SLC5A10: variants seen among roughly 807,000 people sequenced by gnomAD.
The protein encoded by SLC5A10 is sodium/mannose cotransporter SLC5A10.
A neutral mutation model predicts 68.9 loss-of-function variants in SLC5A10; 55 were observed. That is an observed-to-expected ratio of 0.80 (90% CI 0.64 to 1.00). The LOEUF is 1.00. Among genes scored for constraint, SLC5A10 ranks in the 50% least tolerant of loss-of-function variants. The probability of loss-of-function intolerance (pLI) is 0.00; values close to 1 mark genes in which losing one functional copy is unlikely to be tolerated. For synonymous variants in SLC5A10, 344 were observed against 344.8 expected (o/e 1.00, Z 0.02); for missense variants, 732 against 819.3 (o/e 0.89, Z 1.30).
At chr17:18,979,866 G>A (rs2043084773) in intron 9 of SLC5A10, among the ~76,000 whole-genome samples, 1 of 152,186 alleles carries the variant, frequency 6.6e-6, no homozygotes, top group African/African-American at 2.4e-5. Context: ...GGGAGCTGCT[G>A]AGCCGTGAAG....
intron 9 of SLC5A10, among the ~76,000 whole-genome samples, chr17:18,997,470 G>T (rs1425318730): frequency 6.6e-6 from 1 of 152,250 alleles, no homozygotes. Context: ...CATGTGGGCA[G>T]CAAACGGCAC....
chr17:18,982,961 G>A (rs2043176019), intron 9 of SLC5A10, among the ~76,000 whole-genome samples: 1 of 152,266 alleles, frequency 6.6e-6, no homozygotes, highest in South Asian at 2.1e-4. Context: ...CCACAGTACA[G>A]GTGGGGCCCT....
At chr17:19,015,961 G>C (rs563614149) in intron 11 of SLC5A10, among the ~76,000 whole-genome samples, 2 of 152,080 alleles carry the variant, frequency 1.3e-5, no homozygotes, top group Non-Finnish European at 2.9e-5. Context: ...TCCATCACCC[G>C]AGTGGTATAC....
intron 9 of SLC5A10, among the ~76,000 whole-genome samples, chr17:18,989,708 C>A (rs1163703614): frequency 6.6e-6 from 1 of 152,226 alleles, no homozygotes; most frequent in Non-Finnish European, 1.5e-5. Flanking sequence ...ACAGTCACCC[C>A]GCACGTTCCC....
At chr17:19,015,307 C>A in intron 11 of SLC5A10, 108 bp downstream of exon 11, 3 of 782,302 alleles carry the variant, frequency 3.8e-6, no homozygotes, top group Non-Finnish European at 6.0e-6. Context: ...AAGGTGGATG[C>A]CAGGAAGGAG....
intron 8 of SLC5A10, among the ~76,000 whole-genome samples, chr17:18,975,001 C>CT (rs1195521610): frequency 4.6e-5 from 7 of 152,192 alleles, no homozygotes; most frequent in African/African-American, 1.7e-4. Flanking sequence ...CATGGAAACT[C>CT]TGAGCCTCAG....
chr17:19,011,586 G>A (rs1163878539), intron 9 of SLC5A10, among the ~76,000 whole-genome samples: 1 of 152,126 alleles, frequency 6.6e-6, no homozygotes, highest in African/African-American at 2.4e-5. Context: ...AGTGTGGAGA[G>A]GATGGACAGG....
intron 13 of SLC5A10, 100 bp downstream of exon 13, chr17:19,020,028 G>GACT: frequency 1.4e-6 from 2 of 1,437,294 alleles, no homozygotes; most frequent in South Asian, 2.5e-5. Flanking sequence ...TCTAGCCCTG[G>GACT]ACTACCTAGC....
chr17:18,986,907 C>T (rs2043283539), intron 9 of SLC5A10, among the ~76,000 whole-genome samples: 1 of 152,228 alleles, frequency 6.6e-6, no homozygotes. Flanking sequence ...GAGCTATCTG[C>T]CACTGGAATC....
chr17:19,003,875 C>T lies in SLC5A10; in HGVS notation c.983-9535C>T, dbSNP rs776910441. ...GAGCTCCAGCTCCGAGAGGAAGTCT[C>T]GGATGTTCTCCCGCTTGAGCACCTC... On this transcript the variant is annotated intron_variant, in intron 9 of 14. Coordinates refer to ENST00000395645, the MANE Select transcript of SLC5A10 (RefSeq NM_001042450.4). The surrounding 1 kb of genome is among the most constrained non-coding windows in gnomAD (Gnocchi z 4.5). 4 of 1,612,938 alleles carry T rather than the reference C, an allele frequency of 2.5e-6. No homozygotes were observed. The highest frequency in any genetic ancestry group is 2.2e-5 in the East Asian group (1 of 44,854).
Position 18,971,114 on chromosome 17 carries a change from G to T in SLC5A10, c.742G>T (p.Asp248Tyr). The change falls in exon 8 of 15, where the codon GAC becomes TAC. Residue 248 changes from aspartate (D) to tyrosine (Y), a missense_variant. Asp to Tyr is a radical substitution (Grantham distance 160, BLOSUM62 -3). Transcript: ENST00000395645. This position sits in a 1 kb window ranked among gnomAD's most constrained non-coding sequence, Gnocchi z 5.5. Reference protein sequence around the residue: ...ANTTCHLPRTDAMHMFRDPHT... With the variant: ...ANTTCHLPRTYAMHMFRDPHT... ...CACCACCTGCCACCTGCCACGTACA[G>T]ACGCCATGCACATGTTTCGAGACCC... The T allele has an allele frequency of 6.2e-7, 1 of 1,614,124 alleles. No individual in the cohort carries two copies. The highest frequency in any genetic ancestry group is 8.5e-7 in the Non-Finnish European group (1 of 1,180,034).
intron 9 of SLC5A10, among the ~76,000 whole-genome samples, chr17:19,007,430 T>A (rs2152146872): frequency 6.6e-6 from 1 of 152,308 alleles, no homozygotes; most frequent in South Asian, 2.1e-4. Flanking sequence ...AGAGATAGGC[T>A]CTTGCTCTGT....
intron 9 of SLC5A10, among the ~76,000 whole-genome samples, chr17:19,006,801 G>T (rs2043902592): frequency 6.6e-6 from 1 of 152,126 alleles, no homozygotes; most frequent in Admixed American, 6.5e-5. Context: ...TTTGGGATTG[G>T]CCTTTTTTCC....
intron 4 of SLC5A10, 37 bp from the exon 5 acceptor site, chr17:18,960,511 T>C: frequency 6.3e-7 from 1 of 1,580,866 alleles, no homozygotes; most frequent in Non-Finnish European, 8.7e-7. Context: ...GGGCATCATC[T>C]GGAGGATGCT....
At chr17:19,010,411 C>T (rs902646174) in intron 9 of SLC5A10, among the ~76,000 whole-genome samples, 48 of 152,196 alleles carry the variant, frequency 3.2e-4, no homozygotes, top group African/African-American at 1.0e-3. Flanking sequence ...AACCCATAGA[C>T]CCCTGCCAGC....
rs751963689 is a variant in SLC5A10, at chr17:18,971,090, ACCACCTG to A, written c.730_736del (p.Leu244ValfsTer21). On this transcript the variant is annotated frameshift_variant, in exon 8 of 15. Coordinates refer to ENST00000395645, the MANE Select transcript of SLC5A10 (RefSeq NM_001042450.4). LOFTEE classifies it high-confidence loss of function. This position sits in a 1 kb window ranked among gnomAD's most constrained non-coding sequence, Gnocchi z 5.5. Reference sequence around the variant, plus strand: ...CATTCCCTCCAGGACCATTGCCAACACCACCTGCCACCTGCCACGTACAGACGCCATG... The same window carrying A: ...CATTCCCTCCAGGACCATTGCCAACACCACCTGCCACGTACAGACGCCATG... 4 of 1,613,984 alleles carry A rather than the reference ACCACCTG, an allele frequency of 2.5e-6. No individual in the cohort carries two copies. In the East Asian group the frequency reaches 8.9e-5, roughly 36 times the overall value.
intron 9 of SLC5A10, chr17:18,978,447 T>C (rs2043042104): frequency 1.9e-6 from 3 of 1,604,750 alleles, no homozygotes; most frequent in African/African-American, 1.3e-5. Context: ...TACTCAAACA[T>C]GTTGGCCCTC....
At position 19,003,579 on chromosome 17, in the gene SLC5A10, T is replaced by C. The variant is rs777299146; in HGVS notation, c.983-9831T>C. Reference sequence around the variant, plus strand: ...TCTTTGATGTGGGCCTGCCCGTCTATGGGGGGCTGCATGTAGACGCTAGCC... The same window carrying C: ...TCTTTGATGTGGGCCTGCCCGTCTACGGGGGGCTGCATGTAGACGCTAGCC... On this transcript the variant is annotated intron_variant, in intron 9 of 14. Coordinates refer to ENST00000395645, the MANE Select transcript of SLC5A10 (RefSeq NM_001042450.4). The surrounding 1 kb of genome is among the most constrained non-coding windows in gnomAD (Gnocchi z 4.5). 8.8e-6 allele frequency: 14 copies of C among 1,597,270 alleles called. No homozygotes were observed. Among genetic ancestry groups the C allele is most frequent in the Admixed American group, 1.7e-5 (1 of 57,240 alleles).
chr17:18,982,851 G>C (rs2043173525), intron 9 of SLC5A10, among the ~76,000 whole-genome samples: 1 of 152,250 alleles, frequency 6.6e-6, no homozygotes, highest in Non-Finnish European at 1.5e-5. Context: ...GCACCAAATG[G>C]ACGCCAACCA....
Sources: gnomAD v4.1 joint callset for allele counts (sites outside exome capture counted in the v4.1 genomes callset) on GRCh38, gnomAD v4.1.1 for gene constraint, Gnocchi (gnomAD v3.1) non-coding constraint, MANE v1.5 for transcripts, NCBI Gene and HGNC (gene_info 2026-07-23, HGNC 2026-07-21) for gene names.